The following TERT variants were observed in gnomAD, a reference collection of about 807,000 sequenced individuals.
TERT encodes telomerase reverse transcriptase, also known as telomerase catalytic subunit.
A neutral mutation model predicts 104.0 loss-of-function variants in TERT; 42 were observed. The ratio of observed to expected loss-of-function variants is 0.40; its 90% CI spans 0.32 to 0.52. The LOEUF is 0.52. Ranked by LOEUF, TERT falls within the 20% of genes least tolerant of loss-of-function variation. The probability of loss-of-function intolerance (pLI) is 0.43; values close to 1 mark genes in which losing one functional copy is unlikely to be tolerated. For synonymous variants in TERT, 781 were observed against 725.6 expected (o/e 1.08, Z -1.23); for missense variants, 1,101 against 1,610.3 (o/e 0.68, Z 5.41).
Position 1,278,268 on chromosome 5 carries a change from G to T in TERT, c.2286+373C>A, listed in dbSNP as rs543156506. Among the ~76,000 whole-genome samples, 4 of 152,240 alleles carry T rather than the reference G, an allele frequency of 2.6e-5. No homozygotes were observed. The East Asian group carries it at 7.7e-4, about 29-fold the overall frequency. Reference sequence around the variant, plus strand: ...CATGCCTGGAGGAGGAAGGAGTAAGGCCAAGGGGCCACACACACCCATGCC... The same window carrying T: ...CATGCCTGGAGGAGGAAGGAGTAAGTCCAAGGGGCCACACACACCCATGCC... On this transcript the variant is annotated intron_variant, in intron 6 of 15. Transcript: ENST00000310581.
chr5:1,266,583 G>T, intron 9 of TERT, 48 bp from the exon 10 acceptor site: 1 of 1,432,606 alleles, frequency 7.0e-7, no homozygotes. Flanking sequence ...CACTTTTTAC[G>T]TAGTATCTGT....
rs1748901512 is a variant in TERT, at chr5:1,269,943, G to A, written c.2468+1176C>T. 6.6e-6 allele frequency among the ~76,000 whole-genome samples: 1 copy of A among 152,178 alleles called. No individual in the cohort carries two copies. The highest frequency in any genetic ancestry group is 2.4e-5 in the African/African-American group (1 of 41,448). Reference sequence around the variant, plus strand: ...CTCCTGTCTGTCAGGGCATGAGGACGCAGTCATCACCTCACATTCCCCAAA... The same window carrying A: ...CTCCTGTCTGTCAGGGCATGAGGACACAGTCATCACCTCACATTCCCCAAA... On this transcript the variant is annotated intron_variant, in intron 8 of 15. Transcript: ENST00000310581. The surrounding 1 kb of genome is among the most constrained non-coding windows in gnomAD (Gnocchi z 9.0).
intron 12 of TERT, among the ~76,000 whole-genome samples, chr5:1,259,316 C>T (rs1480798052): frequency 1.5e-5 from 2 of 131,754 alleles, no homozygotes; most frequent in African/African-American, 3.0e-5. Flanking sequence ...GACGCAGATG[C>T]CCACAGGAGA....
rs1446206464 is a variant in TERT at position 1,294,815 on chromosome 5, G to A, written c.175C>T (p.Pro59Ser). Residue 59 changes from proline (P) to serine (S), a missense_variant, in exon 1 of 16, where the codon CCC becomes TCC. By Grantham distance (74) the Pro-to-Ser change is moderately conservative. This residue lies in a region of TERT where 87 missense variants were observed against 145.4 expected (regional missense o/e 0.60). Coordinates refer to ENST00000310581, the MANE Select transcript of TERT (RefSeq NM_198253.3). ...ALVAQCLVCV[P>S]WDARPPPAAP... ...GCGGGGGGCGGCCGTGCGTCCCAGGGCACGCACACCAGGCACTGGGCCACC... is the reference window on the plus strand; with the variant it reads ...GCGGGGGGCGGCCGTGCGTCCCAGGACACGCACACCAGGCACTGGGCCACC... 6.6e-7 allele frequency: 1 copy of A among 1,512,586 alleles called. No homozygotes were observed. The highest frequency in any genetic ancestry group is 2.0e-5 in the Admixed American group (1 of 48,892). The allele number at this position is 1,512,586 out of a possible 1,614,324, so 93.7% of individuals were successfully genotyped here.
intron 2 of TERT, among the ~76,000 whole-genome samples, chr5:1,285,565 A>ATTTTTTTTTTTTTTTTT (rs1170336173): frequency 1.2e-5 from 1 of 82,200 alleles, no homozygotes; most frequent in Non-Finnish European, 2.2e-5. Flanking sequence ...GGCTACTAGA[A>ATTTTTTTTTTTTTTTTT]TTTTTTTTTT....
Position 1,288,605 on chromosome 5 carries a change from G to A in TERT, c.1573+4708C>T, listed in dbSNP as rs1056382907. ...GACAAGCGTTGCCACCCACCCAAGG[G>A]GGCCAAGCAGAGGGGCAGCTTGGGA... On this transcript the variant is annotated intron_variant, in intron 2 of 15. Coordinates refer to ENST00000310581, the MANE Select transcript of TERT (RefSeq NM_198253.3). This position sits in a 1 kb window ranked among gnomAD's most constrained non-coding sequence, Gnocchi z 5.3. 6.6e-6 allele frequency among the ~76,000 whole-genome samples: 1 copy of A among 152,122 alleles called. No homozygotes were observed. Among genetic ancestry groups the A allele is most frequent in the Non-Finnish European group, 1.5e-5 (1 of 68,022 alleles).
At chr5:1,280,522 A>C (rs552036554) in intron 3 of TERT, among the ~76,000 whole-genome samples, 184 bp from the exon 4 acceptor site, 1 of 152,270 alleles carries the variant, frequency 6.6e-6, no homozygotes, top group South Asian at 2.1e-4. Context: ...GAGCCCCTCT[A>C]CTTGCAGGGC....
At position 1,253,566 on chromosome 5, in the gene TERT, C is replaced by T. The variant is rs907532211; in HGVS notation, c.*162G>A. On this transcript the variant is annotated 3_prime_UTR_variant, in exon 16 of 16. Coordinates refer to ENST00000310581, the MANE Select transcript of TERT (RefSeq NM_198253.3). ...GCTCAGGCCTCAGCCGGACACTCAG[C>T]CTTCAGCCGGACATGCAGGCCTCGG... 7.8e-5 allele frequency: 52 copies of T among 663,222 alleles called. No individual in the cohort carries two copies. In the African/African-American group the frequency reaches 8.2e-4, roughly 10 times the overall value. The allele number at this position is 663,222 out of a possible 1,614,324, so 41.1% of individuals were successfully genotyped here. A position where few individuals can be genotyped will look rare whatever the true frequency, so the allele number is the denominator to read the frequency against.
At position 1,253,408 on chromosome 5, in the gene TERT, A is replaced by G; in HGVS notation, c.*320T>C. ...TGAACAATGGCGAATCTGGGGATGGACTATTCCTATGTGGGGAGTGGAAGC... is the reference window on the plus strand; with the variant it reads ...TGAACAATGGCGAATCTGGGGATGGGCTATTCCTATGTGGGGAGTGGAAGC... On this transcript the variant is annotated 3_prime_UTR_variant, in exon 16 of 16. Transcript: ENST00000310581. 1 of 509,608 alleles carries G rather than the reference A, an allele frequency of 2.0e-6. No individual in the cohort carries two copies. The highest frequency in any genetic ancestry group is 3.6e-6 in the Non-Finnish European group (1 of 279,194). The allele number at this position is 509,608 out of a possible 1,614,324, so 31.6% of individuals were successfully genotyped here.
At position 1,274,510 on chromosome 5, in the gene TERT, T is replaced by C. The variant is rs1341832030; in HGVS notation, c.2287-2230A>G. ...GGACAGCAGTGGGGAAGGGGATGGT[T>C]TTGGGAGCAAACGGTTCCACCTCAG... is the stretch of plus-strand genomic sequence containing the variant. On this transcript the variant is annotated intron_variant, in intron 6 of 15. Transcript: ENST00000310581. The surrounding 1 kb of genome is among the most constrained non-coding windows in gnomAD (Gnocchi z 5.3). Among the ~76,000 whole-genome samples the C allele has an allele frequency of 6.6e-6, 1 of 152,102 alleles. No homozygotes were observed. Among genetic ancestry groups the C allele is most frequent in the East Asian group, 1.9e-4 (1 of 5,192 alleles).
rs1196934688 is a variant in TERT at position 1,263,712 on chromosome 5, G to C, written c.2843+692C>G. On this transcript the variant is annotated intron_variant, in intron 11 of 15. Transcript: ENST00000310581. This position sits in a 1 kb window ranked among gnomAD's most constrained non-coding sequence, Gnocchi z 5.3. ...TGAGCCACCTTGCCCTGCCTGGAAT[G>C]TTGATACTTTTTATTCATAAAAGAA... 6.6e-6 allele frequency among the ~76,000 whole-genome samples: 1 copy of C among 152,234 alleles called. No homozygotes were observed.
At chr5:1,266,985 C>G (rs1054429978) in intron 9 of TERT, among the ~76,000 whole-genome samples, 3 of 152,194 alleles carry the variant, frequency 2.0e-5, no homozygotes, top group African/African-American at 7.2e-5. Flanking sequence ...CACTGTGTGA[C>G]CCTCAGGCCC....
In TERT at chr5:1,287,708, C is replaced by T. The variant is rs1219505394; in HGVS notation, c.1574-5084G>A. Reference sequence around the variant, plus strand: ...CGTGCATGCACCTAACAATGCCTCACATAAATGCTACCAAACGAGAAGAAA... The same window carrying T: ...CGTGCATGCACCTAACAATGCCTCATATAAATGCTACCAAACGAGAAGAAA... On this transcript the variant is annotated intron_variant, in intron 2 of 15. Coordinates refer to ENST00000310581, the MANE Select transcript of TERT (RefSeq NM_198253.3). The surrounding 1 kb of genome is among the most constrained non-coding windows in gnomAD (Gnocchi z 4.3). Among the ~76,000 whole-genome samples the T allele has an allele frequency of 2.6e-5, 4 of 152,022 alleles. No homozygotes were observed. Among genetic ancestry groups the T allele is most frequent in the Admixed American group, 6.6e-5 (1 of 15,238 alleles).
intron 2 of TERT, 152 bp downstream of exon 2, chr5:1,293,161 T>A: frequency 1.2e-6 from 1 of 819,324 alleles, no homozygotes; most frequent in East Asian, 2.7e-5. Context: ...GAGGCAGAGA[T>A]CACCGTGTCC....
chr5:1,293,711 A>G lies in TERT; in HGVS notation c.1175T>C (p.Leu392Pro). 6.4e-7 allele frequency: 1 copy of G among 1,573,596 alleles called. No homozygotes were observed. The highest frequency in any genetic ancestry group is 8.6e-7 in the Non-Finnish European group (1 of 1,160,088). ...GTGGTTCCCAAGCAGCTCCAGAAAC[A>G]GGGGCCGCATTTGCCAGTAGCGCTG... The part of the protein sequence containing the change: ...LPQRYWQMRP[L>P]FLELLGNHAQ... The change falls in exon 2 of 16, where the codon CTG (leucine) becomes CCG (proline). Residue 392 changes from leucine to proline, a missense_variant. Around this residue, in one of 5 missense-constraint regions of TERT, gnomAD observed 504 missense variants for 544.6 expected, o/e 0.93. Coordinates refer to ENST00000310581, the MANE Select transcript of TERT (RefSeq NM_198253.3).
At chr5:1,278,502 C>A in intron 6 of TERT, 139 bp downstream of exon 6, 2 of 1,241,032 alleles carry the variant, frequency 1.6e-6, no homozygotes, top group South Asian at 2.4e-5. Flanking sequence ...CACACACGTG[C>A]CACACACGCA....
rs957029848 is a variant in TERT at position 1,270,223 on chromosome 5, G to A, written c.2468+896C>T. Among the ~76,000 whole-genome samples the A allele has an allele frequency of 1.3e-5, 2 of 152,124 alleles. No individual in the cohort carries two copies. The highest frequency in any genetic ancestry group is 1.9e-4 in the East Asian group (1 of 5,202). On this transcript the variant is annotated intron_variant, in intron 8 of 15. Coordinates refer to ENST00000310581, the MANE Select transcript of TERT (RefSeq NM_198253.3). This position sits in a 1 kb window ranked among gnomAD's most constrained non-coding sequence, Gnocchi z 8.3. ...TACTTTAATAAATATTATAATTGCTGATACCATTAGTGATTACTTATAATG... is the reference window on the plus strand; with the variant it reads ...TACTTTAATAAATATTATAATTGCTAATACCATTAGTGATTACTTATAATG...
intron 6 of TERT, among the ~76,000 whole-genome samples, chr5:1,275,625 G>T (rs1749507756): frequency 6.6e-6 from 1 of 152,056 alleles, no homozygotes; most frequent in African/African-American, 2.4e-5. Flanking sequence ...TTCAAAGGAA[G>T]ATATGGTCTC....
In TERT at chr5:1,254,387, G is replaced by A. The variant is rs368551449; in HGVS notation, c.3276C>T (p.Leu1092=). 3.7e-6 allele frequency: 6 copies of A among 1,613,136 alleles called. No homozygotes were observed. Among genetic ancestry groups the A allele is most frequent in the Non-Finnish European group, 5.1e-6 (6 of 1,179,948 alleles). Residue 1092 remains leucine (L), a synonymous_variant, in exon 15 of 16, where the codon CTC becomes CTT. Transcript: ENST00000310581. The part of the protein sequence containing the change: ...LTRHRVTYVP[L]LGSLRTAQTQ... ...ACTTGCCTGTCCTGAGTGACCCCAG[G>A]AGTGGCACGTAGGTGACACGGTGTC... is the stretch of plus-strand genomic sequence containing the variant.
Sources: allele counts gnomAD v4.1 joint callset (sites outside exome capture counted in the v4.1 genomes callset), GRCh38; gene constraint gnomAD v4.1.1; regional missense constraint gnomAD v4.1.1; non-coding constraint Gnocchi (gnomAD v3.1); transcripts MANE v1.5; gene names NCBI Gene and HGNC (gene_info 2026-07-23, HGNC 2026-07-21).